Variants in SDK2 observed in about 807,000 individuals in gnomAD.
SDK2 encodes the protein protein sidekick-2.
In SDK2, 105 loss-of-function variants were observed where a neutral mutation model predicts 253.9. The observed-to-expected ratio is 0.41, with a 90% CI of 0.35 to 0.49. The LOEUF is 0.49. SDK2 is among the 20% of genes least tolerant of loss of function. The probability of loss-of-function intolerance (pLI) is 0.06; values close to 1 mark genes in which losing one functional copy is unlikely to be tolerated. For missense variants in SDK2, 2,608 were observed against 3,003.0 expected, an observed-to-expected ratio of 0.87 and a Z score of 3.07; for synonymous variants, 1,249 against 1,234.9, an observed-to-expected ratio of 1.01 and a Z score of -0.24.
chr17:73,547,787 T>C (rs900740734), intron 1 of SDK2, among the ~76,000 whole-genome samples: 2 of 152,240 alleles, frequency 1.3e-5, no homozygotes, highest in Non-Finnish European at 2.9e-5. Flanking sequence ...TGAAGTGTTC[T>C]TAATGGCTGT....
chr17:73,586,540 C>T (rs1027685077), intron 1 of SDK2, among the ~76,000 whole-genome samples: 1 of 151,682 alleles, frequency 6.6e-6, no homozygotes, highest in Non-Finnish European at 1.5e-5. Context: ...ATATGGAGCT[C>T]AAGTTGGTAT....
At position 73,352,749 on chromosome 17, in the gene SDK2, G is replaced by T; in HGVS notation, c.5594-112C>A. 2 of 1,081,168 alleles carry T rather than the reference G, an allele frequency of 1.8e-6. No individual in the cohort carries two copies. Among genetic ancestry groups the T allele is most frequent in the Non-Finnish European group, 2.7e-6 (2 of 742,902 alleles). The allele number at this position is 1,081,168 out of a possible 1,614,324, so 67.0% of individuals were successfully genotyped here. ...GGGCTGGGCCTGTTGGATCCTCCCT[G>T]CTCCACACTGAATCGCAGGCCTTGG... is the stretch of plus-strand genomic sequence containing the variant. On this transcript the variant is annotated intron_variant, in intron 40 of 44. Coordinates refer to ENST00000392650, the MANE Select transcript of SDK2 (RefSeq NM_001144952.2). The surrounding 1 kb of genome is among the most constrained non-coding windows in gnomAD (Gnocchi z 4.1).
Position 73,629,195 on chromosome 17 carries a change from A to G in SDK2, c.64+14830T>C, listed in dbSNP as rs988849661. ...AGCCCTTTGTAATCTGACCTTAGTA[A>G]TTCTCTTTGTTCCCTACCATTTTAG... On this transcript the variant is annotated intron_variant, in intron 1 of 44. Transcript: ENST00000392650. The surrounding 1 kb of genome is among the most constrained non-coding windows in gnomAD (Gnocchi z 5.0). Among the ~76,000 whole-genome samples, 9 of 152,096 alleles carry G rather than the reference A, an allele frequency of 5.9e-5. No individual in the cohort carries two copies. The highest frequency in any genetic ancestry group is 1.2e-4 in the Non-Finnish European group (8 of 68,018).
intron 1 of SDK2, among the ~76,000 whole-genome samples, chr17:73,608,367 C>T (rs1054538930): frequency 6.6e-6 from 1 of 152,098 alleles, no homozygotes; most frequent in Non-Finnish European, 1.5e-5. Context: ...CATGCCTCGT[C>T]GCTGACTATG....
chr17:73,351,091 G>A (rs535283206), intron 41 of SDK2, among the ~76,000 whole-genome samples: 1 of 147,964 alleles, frequency 6.8e-6, no homozygotes, highest in East Asian at 2.1e-4. Flanking sequence ...GAGAGTGGCA[G>A]TGTGTTAGCT....
At chr17:73,513,439 A>C (rs1055153842) in intron 1 of SDK2, among the ~76,000 whole-genome samples, 2 of 152,244 alleles carry the variant, frequency 1.3e-5, no homozygotes, top group Admixed American at 6.5e-5. Flanking sequence ...GCCAAGATGT[A>C]AAAGTGTGAT....
intron 1 of SDK2, among the ~76,000 whole-genome samples, chr17:73,551,448 C>T (rs2045057270): frequency 6.6e-6 from 1 of 152,212 alleles, no homozygotes; most frequent in African/African-American, 2.4e-5. Flanking sequence ...CAGCTCCTGC[C>T]AGGAATGGGG....
At chr17:73,440,336 C>A (rs1341277964) in intron 6 of SDK2, among the ~76,000 whole-genome samples, 1 of 152,030 alleles carries the variant, frequency 6.6e-6, no homozygotes, top group African/African-American at 2.4e-5. Flanking sequence ...GAACTCCCGA[C>A]CTCAGGTGAT....
intron 5 of SDK2, among the ~76,000 whole-genome samples, chr17:73,445,237 T>G (rs765097457): frequency 6.6e-6 from 1 of 152,234 alleles, no homozygotes; most frequent in Admixed American, 6.5e-5. Flanking sequence ...ATTGATTGTA[T>G]GTTAAAAAGA....
chr17:73,436,186 G>C (rs112770578), intron 8 of SDK2, among the ~76,000 whole-genome samples: 1,930 of 152,258 alleles, frequency 0.013, 40 homozygotes, highest in African/African-American at 0.045. Context: ...TGTTCCCTGG[G>C]GGGCACTTGG....
intron 4 of SDK2, among the ~76,000 whole-genome samples, chr17:73,453,480 C>T (rs946437176): frequency 2.6e-5 from 4 of 151,440 alleles, no homozygotes; most frequent in Non-Finnish European, 4.4e-5. Flanking sequence ...CAGGTTCAAG[C>T]GATTCTCCTG....
At chr17:73,401,907 C>CG (rs367964387) in intron 19 of SDK2, 39 bp downstream of exon 19, 21,322 of 1,399,260 alleles carry the variant, frequency 0.015, 89 homozygotes, top group African/African-American at 0.027. Context: ...TGGCCTTGGG[C>CG]GGGGGGGGGC....
chr17:73,537,020 T>G (rs1168404867), intron 1 of SDK2, among the ~76,000 whole-genome samples: 4 of 152,070 alleles, frequency 2.6e-5, no homozygotes, highest in Non-Finnish European at 5.9e-5. Flanking sequence ...GCAGGAGCAT[T>G]AGCTCACCCT....
intron 38 of SDK2, among the ~76,000 whole-genome samples, chr17:73,362,948 G>A (rs901996654): frequency 1.3e-5 from 2 of 152,238 alleles, no homozygotes; most frequent in South Asian, 2.1e-4. Flanking sequence ...CGCCGGCCCC[G>A]GCATGTCCCT....
In SDK2 at chr17:73,334,644, T is replaced by C. The variant is rs2062364753; in HGVS notation, c.*3943A>G. ...TTGATTTTTGTTTCTGGAGTCTAGA[T>C]GGATGGAGAAAGGTAACACGTTTAA... is the stretch of plus-strand genomic sequence containing the variant. On this transcript the variant is annotated 3_prime_UTR_variant, in exon 45 of 45. Coordinates refer to ENST00000392650, the MANE Select transcript of SDK2 (RefSeq NM_001144952.2). The C allele has an allele frequency of 6.6e-6, 1 of 152,186 alleles. No homozygotes were observed. The highest frequency in any genetic ancestry group is 2.1e-4 in the South Asian group (1 of 4,830). The allele number at this position is 152,186 out of a possible 1,614,324, so 9.4% of individuals were successfully genotyped here. A position where few individuals can be genotyped will look rare whatever the true frequency, so the allele number is the denominator to read the frequency against.
chr17:73,425,035 C>T lies in SDK2; in HGVS notation c.1584-943G>A, dbSNP rs555301394. Among the ~76,000 whole-genome samples the T allele has an allele frequency of 2.1e-3, 315 of 152,282 alleles. 1 individual carries two copies. The highest frequency in any genetic ancestry group is 6.2e-3 in the South Asian group (30 of 4,826). ...AGGAGTTTGAGACCAGTCTGGCCAA[C>T]ATGGCAAAACCCTGTCTCTACTAAA... On this transcript the variant is annotated intron_variant, in intron 12 of 44. Coordinates refer to ENST00000392650, the MANE Select transcript of SDK2 (RefSeq NM_001144952.2).
chr17:73,486,323 T>A (rs1319611670), intron 2 of SDK2, among the ~76,000 whole-genome samples: 1 of 151,954 alleles, frequency 6.6e-6, no homozygotes, highest in Non-Finnish European at 1.5e-5. Flanking sequence ...TTAGGAGAAG[T>A]AGAGGCTGAG....
intron 36 of SDK2, among the ~76,000 whole-genome samples, chr17:73,371,569 G>A (rs905881514): frequency 1.3e-5 from 2 of 152,152 alleles, no homozygotes; most frequent in African/African-American, 4.8e-5. Flanking sequence ...GTTCAAGGGA[G>A]AAAGAGAGCA....
intron 2 of SDK2, among the ~76,000 whole-genome samples, chr17:73,478,880 G>A (rs982461406): frequency 2.6e-5 from 4 of 152,228 alleles, no homozygotes; most frequent in African/African-American, 7.2e-5. Flanking sequence ...GGAGATGCAC[G>A]CGGTGATGCT....
Sources: allele counts gnomAD v4.1 joint callset (sites outside exome capture counted in the v4.1 genomes callset), GRCh38; gene constraint gnomAD v4.1.1; non-coding constraint Gnocchi (gnomAD v3.1); transcripts MANE v1.5; gene names NCBI Gene and HGNC (gene_info 2026-07-23, HGNC 2026-07-21).